The following LTBP1 variants were observed in gnomAD, a reference collection of about 807,000 sequenced individuals.
LTBP1 encodes latent-transforming growth factor beta-binding protein 1.
LTBP1 carries 129 observed loss-of-function variants against 207.6 expected under a neutral mutation model. The ratio of observed to expected loss-of-function variants is 0.62; its 90% CI spans 0.54 to 0.72. The LOEUF (loss-of-function observed/expected upper bound fraction) is 0.72. LTBP1 is among the 30% of genes least tolerant of loss of function. The probability of loss-of-function intolerance (pLI) is 0.00; values close to 1 mark genes in which losing one functional copy is unlikely to be tolerated. For missense variants in LTBP1, 2,281 were observed against 2,217.2 expected, an observed-to-expected ratio of 1.03 and a Z score of -0.58; for synonymous variants, 963 against 833.7, an observed-to-expected ratio of 1.16 and a Z score of -2.67.
chr2:32,947,495 G>A lies in LTBP1; in HGVS notation c.171G>A (p.Ala57=). 6.9e-7 allele frequency: 1 copy of A among 1,440,708 alleles called. No individual in the cohort carries two copies. Among genetic ancestry groups the A allele is most frequent in the Non-Finnish European group, 9.1e-7 (1 of 1,100,658 alleles). 89.2% of individuals were successfully genotyped at this position (1,440,708 alleles called of 1,614,324 possible). Residue 57 remains alanine (A), a synonymous_variant, in exon 1 of 34, where the codon GCG becomes GCA. Coordinates refer to ENST00000404816, the MANE Select transcript of LTBP1 (RefSeq NM_206943.4). ...CGCGTTCGCGGACATTCAACGTCGCGCTCAACGCCAGGTACAGCCGCAGCT... is the reference window on the plus strand; with the variant it reads ...CGCGTTCGCGGACATTCAACGTCGCACTCAACGCCAGGTACAGCCGCAGCT... The part of the protein sequence containing the change: ...GPPRSRTFNV[A]LNARYSRSSA...
chr2:33,138,178 TG>T (rs1484688829), intron 5 of LTBP1, among the ~76,000 whole-genome samples: 1 of 152,192 alleles, frequency 6.6e-6, no homozygotes, highest in African/African-American at 2.4e-5. Context: ...AGGGTGAGTC[TG>T]GGCTTTCCAG....
intron 27 of LTBP1, among the ~76,000 whole-genome samples, 162 bp from the exon 28 acceptor site, chr2:33,361,267 A>G (rs1209329447): frequency 6.6e-6 from 1 of 152,234 alleles, no homozygotes; most frequent in African/African-American, 2.4e-5. Flanking sequence ...TGAAGTCATT[A>G]GATTTCTTTG....
intron 10 of LTBP1, among the ~76,000 whole-genome samples, chr2:33,252,208 C>T (rs1315050351): frequency 6.6e-6 from 1 of 152,130 alleles, no homozygotes; most frequent in African/African-American, 2.4e-5. Flanking sequence ...CTCTTACTTC[C>T]CTGGGATGAG....
chr2:33,191,289 A>G (rs772430127), intron 7 of LTBP1, among the ~76,000 whole-genome samples: 3 of 152,216 alleles, frequency 2.0e-5, no homozygotes, highest in Non-Finnish European at 4.4e-5. Context: ...ATTGAAATGA[A>G]TTGGCTAATT....
chr2:33,378,221 G>GTGTGTT (rs143728872), intron 31 of LTBP1, among the ~76,000 whole-genome samples: 71 of 140,310 alleles, frequency 5.1e-4, no homozygotes, highest in African/African-American at 1.8e-3. Context: ...GTGTGTGTGT[G>GTGTGTT]TTTTGTTTGT....
chr2:33,198,720 T>G (rs1020847510), intron 7 of LTBP1, among the ~76,000 whole-genome samples: 4 of 152,238 alleles, frequency 2.6e-5, no homozygotes, highest in African/African-American at 9.6e-5. Flanking sequence ...TGGTAGTTTG[T>G]ATTTCTGTGG....
chr2:33,359,182 A>G (rs541720329), intron 26 of LTBP1, among the ~76,000 whole-genome samples: 4 of 152,326 alleles, frequency 2.6e-5, no homozygotes, highest in African/African-American at 9.6e-5. Context: ...ATTGGCCAGA[A>G]TCAACTGGAT....
Position 33,187,047 on chromosome 2 carries a change from C to T in LTBP1, c.1393C>T (p.Pro465Ser). Residue 465 changes from proline to serine, a missense_variant, in exon 6 of 34, where the codon CCT becomes TCT. Pro to Ser is a moderately conservative substitution (Grantham distance 74). Around this residue, in one of 3 missense-constraint regions of LTBP1, gnomAD observed 1,671 missense variants for 1,634.8 expected, o/e 1.02. Transcript: ENST00000404816. ...TGTCATCCATTCAACACATACCTTG[C>T]CTCTGACCGTGACTAGCCAGCAAGG... is the stretch of plus-strand genomic sequence containing the variant. ...THVIHSTHTLPLTVTSQQGVK... is the reference protein window; with the variant it reads ...THVIHSTHTLSLTVTSQQGVK... 1.2e-6 allele frequency: 2 copies of T among 1,614,154 alleles called. No homozygotes were observed.
intron 3 of LTBP1, among the ~76,000 whole-genome samples, chr2:33,058,117 G>T (rs372748943): frequency 1.4e-4 from 22 of 152,064 alleles, no homozygotes; most frequent in African/African-American, 5.3e-4. Context: ...AATTCATTGC[G>T]GGCCATTTAA....
intron 3 of LTBP1, among the ~76,000 whole-genome samples, chr2:33,055,137 T>C (rs964848462): frequency 6.6e-6 from 1 of 152,184 alleles, no homozygotes; most frequent in African/African-American, 2.4e-5. Context: ...TTGGTCCTTA[T>C]TATAGAACAC....
At chr2:32,978,642 A>T (rs1294792344) in intron 2 of LTBP1, among the ~76,000 whole-genome samples, 4 of 141,384 alleles carry the variant, frequency 2.8e-5, no homozygotes, top group Non-Finnish European at 6.2e-5. Flanking sequence ...TTTATTAAGG[A>T]TATTGGCCTG....
intron 19 of LTBP1, among the ~76,000 whole-genome samples, chr2:33,285,099 T>C (rs2093638222): frequency 6.8e-6 from 1 of 147,436 alleles, no homozygotes; most frequent in Non-Finnish European, 1.5e-5. Context: ...TGGAGTGCAA[T>C]GGCGTGATCT....
Position 33,134,903 on chromosome 2 carries a change from C to T in LTBP1, c.1144C>T (p.Leu382Phe), listed in dbSNP as rs1446368572. 1.9e-6 allele frequency: 3 copies of T among 1,613,904 alleles called. No individual in the cohort carries two copies. The highest frequency in any genetic ancestry group is 1.3e-5 in the African/African-American group (1 of 74,908). The change falls in exon 5 of 34, where the codon CTC (leucine) becomes TTC (phenylalanine). Residue 382 changes from leucine to phenylalanine, a missense_variant. By Grantham distance (22) the Leu-to-Phe change is conservative. Transcript: ENST00000404816. This position sits in a 1 kb window ranked among gnomAD's most constrained non-coding sequence, Gnocchi z 4.4. ...CTGTGAGAAGGGGAACACCACCACT[C>T]TCATTAGTGAGAATGGTCATGCTGC... The part of the protein sequence containing the change: ...NSCEKGNTTT[L>F]ISENGHAADT...
intron 31 of LTBP1, among the ~76,000 whole-genome samples, chr2:33,384,902 T>C (rs1350706958): frequency 1.3e-5 from 2 of 152,170 alleles, no homozygotes. Flanking sequence ...GCTAGAAATT[T>C]GCCTGTACCG....
intron 7 of LTBP1, among the ~76,000 whole-genome samples, chr2:33,195,441 AC>A (rs1253961237): frequency 1.3e-5 from 2 of 152,206 alleles, no homozygotes; most frequent in Non-Finnish European, 2.9e-5. Context: ...CTTATGGATG[AC>A]TTTGAGGGGT....
intron 18 of LTBP1, among the ~76,000 whole-genome samples, chr2:33,278,828 A>G (rs962281268): frequency 6.6e-6 from 1 of 152,230 alleles, no homozygotes; most frequent in African/African-American, 2.4e-5. Flanking sequence ...ACCTAAAAAA[A>G]CCACTATGTA....
chr2:33,259,224 CAATTAATGA>C (rs2092946459), intron 12 of LTBP1, among the ~76,000 whole-genome samples: 1 of 152,158 alleles, frequency 6.6e-6, no homozygotes. Flanking sequence ...AACCTTTAAC[CAATTAATGA>C]AAATGTTTGT....
chr2:33,030,069 CT>C (rs1200552597), intron 3 of LTBP1, among the ~76,000 whole-genome samples: 1 of 152,120 alleles, frequency 6.6e-6, no homozygotes, highest in Non-Finnish European at 1.5e-5. Flanking sequence ...AGAGCACTGC[CT>C]TTTGTTTCTT....
chr2:33,199,341 G>C (rs550716366), intron 7 of LTBP1, among the ~76,000 whole-genome samples: 2 of 152,256 alleles, frequency 1.3e-5, no homozygotes, highest in East Asian at 3.9e-4. Context: ...TTTTGGACTA[G>C]GTGTGGTGTG....
Sources: allele counts gnomAD v4.1 joint callset (sites outside exome capture counted in the v4.1 genomes callset), GRCh38; gene constraint gnomAD v4.1.1; regional missense constraint gnomAD v4.1.1; non-coding constraint Gnocchi (gnomAD v3.1); transcripts MANE v1.5; gene names NCBI Gene and HGNC (gene_info 2026-07-23, HGNC 2026-07-21).